Variants in C3orf70 observed in about 807,000 individuals in gnomAD.
C3orf70 encodes chromosome 3 open reading frame 70.
C3orf70 carries 15 observed loss-of-function variants against 20.7 expected under a neutral mutation model. The observed-to-expected ratio is 0.72, with a 90% CI of 0.48 to 1.11. The LOEUF (loss-of-function observed/expected upper bound fraction) is 1.11. Ranked by LOEUF, C3orf70 falls within the 50% of genes most tolerant of loss-of-function variation. C3orf70 has a pLI of 0.00. For synonymous variants in C3orf70, 161 were observed against 125.7 expected, an observed-to-expected ratio of 1.28 and a Z score of -1.88; for missense variants, 332 against 317.6, an observed-to-expected ratio of 1.05 and a Z score of -0.34.
intron 1 of C3orf70, among the ~76,000 whole-genome samples, chr3:185,087,510 T>C (rs905260384): frequency 6.6e-6 from 1 of 152,198 alleles, no homozygotes; most frequent in Non-Finnish European, 1.5e-5. Context: ...TGACCCATGC[T>C]ACAACTAGAT....
intron 1 of C3orf70, among the ~76,000 whole-genome samples, chr3:185,138,734 G>A: frequency 6.6e-6 from 1 of 151,998 alleles, no homozygotes; most frequent in Non-Finnish European, 1.5e-5. Flanking sequence ...CAGAAAATAG[G>A]AATAGAGGAG....
chr3:185,102,447 T>A (rs1715841667), intron 1 of C3orf70, among the ~76,000 whole-genome samples: 1 of 152,190 alleles, frequency 6.6e-6, no homozygotes, highest in Non-Finnish European at 1.5e-5. Context: ...ATGCTTGTTA[T>A]TAGAAAGAAT....
At chr3:185,149,945 C>T (rs1194678858) in intron 1 of C3orf70, among the ~76,000 whole-genome samples, 2 of 152,020 alleles carry the variant, frequency 1.3e-5, no homozygotes, top group African/African-American at 4.8e-5. Context: ...AGTTTCTAAC[C>T]ATTTAGAAAA....
intron 1 of C3orf70, among the ~76,000 whole-genome samples, chr3:185,101,857 TTC>T (rs1338883568): frequency 6.6e-6 from 1 of 152,158 alleles, no homozygotes; most frequent in Non-Finnish European, 1.5e-5. Context: ...GAAAAAGGCT[TTC>T]AATAAAGTTC....
intron 1 of C3orf70, among the ~76,000 whole-genome samples, chr3:185,140,108 T>C (rs1716720914): frequency 6.6e-6 from 1 of 152,156 alleles, no homozygotes; most frequent in African/African-American, 2.4e-5. Flanking sequence ...CAGTTGGCCC[T>C]CGGTATTCAT....
intron 1 of C3orf70, among the ~76,000 whole-genome samples, chr3:185,089,298 A>T (rs187161908): frequency 6.6e-6 from 1 of 152,086 alleles, no homozygotes; most frequent in African/African-American, 2.4e-5. Context: ...ACCCACAGAT[A>T]TTTATTCTGT....
At chr3:185,105,685 G>A (rs540355665) in intron 1 of C3orf70, among the ~76,000 whole-genome samples, 73 of 152,314 alleles carry the variant, frequency 4.8e-4, no homozygotes, top group Non-Finnish European at 1.0e-3. Flanking sequence ...CGCTGGGTTA[G>A]GGTCTCCCCA....
intron 1 of C3orf70, among the ~76,000 whole-genome samples, chr3:185,126,795 G>A (rs1716420353): frequency 6.6e-6 from 1 of 152,138 alleles, no homozygotes; most frequent in African/African-American, 2.4e-5. Context: ...TCTAAGAGTG[G>A]GACCTCTCCA....
At chr3:185,088,142 C>T (rs1715496369) in intron 1 of C3orf70, among the ~76,000 whole-genome samples, 1 of 152,098 alleles carries the variant, frequency 6.6e-6, no homozygotes, top group South Asian at 2.1e-4. Flanking sequence ...AACTCCCGAC[C>T]TCAGGTGATC....
intron 1 of C3orf70, among the ~76,000 whole-genome samples, chr3:185,103,274 T>A (rs571131281): frequency 2.0e-4 from 30 of 152,104 alleles, no homozygotes; most frequent in African/African-American, 6.7e-4. Flanking sequence ...ACCTAGGCAA[T>A]ACCATTCTGG....
At chr3:185,091,689 CTT>C (rs1234411321) in intron 1 of C3orf70, among the ~76,000 whole-genome samples, 14 of 140,128 alleles carry the variant, frequency 1.0e-4, no homozygotes, top group Admixed American at 1.4e-4. Context: ...AGCCATTTTA[CTT>C]TTTTTTTTTT....
At chr3:185,114,431 T>A (rs1341448924) in intron 1 of C3orf70, among the ~76,000 whole-genome samples, 1 of 152,174 alleles carries the variant, frequency 6.6e-6, no homozygotes, top group Admixed American at 6.5e-5. Flanking sequence ...AGAGTCCACA[T>A]CTTCAGTAAA....
intron 1 of C3orf70, among the ~76,000 whole-genome samples, chr3:185,087,989 G>A (rs527597695): frequency 6.0e-5 from 9 of 149,846 alleles, no homozygotes; most frequent in East Asian, 5.9e-4. Context: ...TTGGCTCGCC[G>A]CAACCTCCGC....
intron 1 of C3orf70, 144 bp from the exon 2 acceptor site, chr3:185,083,707 G>T: frequency 1.6e-6 from 1 of 613,860 alleles, no homozygotes; most frequent in Non-Finnish European, 2.7e-6. Flanking sequence ...TTCAACATTG[G>T]TATAGTCAAT....
At position 185,083,538 on chromosome 3, in the gene C3orf70, G is replaced by C. The variant is rs745585057; in HGVS notation, c.222C>G (p.Thr74=). 6.2e-7 allele frequency: 1 copy of C among 1,604,282 alleles called. No homozygotes were observed. The highest frequency in any genetic ancestry group is 8.5e-7 in the Non-Finnish European group (1 of 1,175,644). ...CHCKYMYQPM[T]PVEQLPSTEI... is the part of the protein sequence containing the mutation. ...CAGTGCTTGGAAGCTGTTCCACAGG[G>C]GTCATAGGCTGATACATGTATTTGC... is the stretch of plus-strand genomic sequence containing the variant. Residue 74 remains threonine (T), a synonymous_variant, in exon 2 of 2, where the codon ACC becomes ACG. Transcript: ENST00000335012.
intron 1 of C3orf70, among the ~76,000 whole-genome samples, chr3:185,093,255 C>T (rs150900410): frequency 2.6e-5 from 4 of 152,308 alleles, no homozygotes; most frequent in Middle Eastern, 3.4e-3. Flanking sequence ...TACACTGCTC[C>T]AGGCCACACT....
At position 185,079,783 on chromosome 3, in the gene C3orf70, A is replaced by G. The variant is rs1024061614; in HGVS notation, c.*3224T>C. On this transcript the variant is annotated 3_prime_UTR_variant, in exon 2 of 2. Coordinates refer to ENST00000335012, the MANE Select transcript of C3orf70 (RefSeq NM_001025266.3). ...GCAGTTTATCCATCCACACAGCCCA[A>G]CCCTTGCTCCAATGAGCATATTACT... 9.2e-5 allele frequency: 14 copies of G among 152,596 alleles called. No individual in the cohort carries two copies. The highest frequency in any genetic ancestry group is 2.6e-4 in the Admixed American group (4 of 15,278). 9.5% of individuals were successfully genotyped at this position (152,596 alleles called of 1,614,324 possible).
intron 1 of C3orf70, among the ~76,000 whole-genome samples, chr3:185,149,394 CAAAAAAAA>C: frequency 9.6e-6 from 1 of 104,390 alleles, no homozygotes; most frequent in Non-Finnish European, 1.8e-5. Context: ...CTCTGTCTCC[CAAAAAAAA>C]AAAAAAAAAA....
At chr3:185,086,451 G>A (rs1715460555) in intron 1 of C3orf70, among the ~76,000 whole-genome samples, 1 of 152,170 alleles carries the variant, frequency 6.6e-6, no homozygotes, top group Non-Finnish European at 1.5e-5. Flanking sequence ...TCTAATCATT[G>A]GTTTAGTGCC....
Sources: gnomAD v4.1 joint callset for allele counts (sites outside exome capture counted in the v4.1 genomes callset) on GRCh38, gnomAD v4.1.1 for gene constraint, MANE v1.5 for transcripts, NCBI Gene and HGNC (gene_info 2026-07-23, HGNC 2026-07-21) for gene names.